The following BTG4 variants were observed in gnomAD, a reference collection of about 807,000 sequenced individuals.
BTG4 encodes BTG anti-proliferation factor 4.
A neutral mutation model predicts 19.3 loss-of-function variants in BTG4; 10 were observed. The ratio of observed to expected loss-of-function variants is 0.52; its 90% CI spans 0.32 to 0.88. The LOEUF (loss-of-function observed/expected upper bound fraction) is 0.88, where lower values mean the gene tolerates loss of function less well. BTG4 is among the 40% of genes least tolerant of loss of function. The probability of loss-of-function intolerance (pLI) is 0.04; values close to 1 mark genes in which losing one functional copy is unlikely to be tolerated. For missense variants in BTG4, 238 were observed against 281.9 expected (o/e 0.84, Z 1.11); for synonymous variants, 91 against 95.7 (o/e 0.95, Z 0.29).
chr11:111,494,750 G>T (rs938943009), downstream of BTG4: 1 of 382,174 alleles, frequency 2.6e-6, no homozygotes, highest in Non-Finnish European at 3.6e-6. Context: ...AAGATAGGGA[G>T]ACCCCTTCTT....
intron 5 of BTG4, among the ~76,000 whole-genome samples, chr11:111,483,529 A>C: frequency 6.6e-6 from 1 of 152,176 alleles, no homozygotes; most frequent in East Asian, 1.9e-4. Context: ...TTCAACAAAA[A>C]GATTGAAATA....
At chr11:111,507,628 T>C (rs1307519994) in intron 1 of BTG4, among the ~76,000 whole-genome samples, 1 of 152,216 alleles carries the variant, frequency 6.6e-6, no homozygotes, top group African/African-American at 2.4e-5. Context: ...GCAGATTCTC[T>C]TGAATTCGTA....
downstream of BTG4, among the ~76,000 whole-genome samples, chr11:111,494,139 TGA>T (rs1011478813): frequency 3.2e-4 from 48 of 151,784 alleles, no homozygotes; most frequent in African/African-American, 1.1e-3. Context: ...AAAATGGAGA[TGA>T]GAGAGGAGAA....
At chr11:111,395,348 C>T in the BTG4 span, among the ~76,000 whole-genome samples, 1 of 152,244 alleles carries the variant, frequency 6.6e-6, no homozygotes, top group Non-Finnish European at 1.5e-5. Flanking sequence ...GCCCATTGTT[C>T]TTCCTCCTGC....
chr11:111,481,077 C>A (rs1864710751), intron 5 of BTG4, among the ~76,000 whole-genome samples: 1 of 151,488 alleles, frequency 6.6e-6, no homozygotes, highest in South Asian at 2.1e-4. Flanking sequence ...AGTGAAGACA[C>A]AAATTACCAA....
chr11:111,475,629 A>C (rs1157220941), intron 5 of BTG4, among the ~76,000 whole-genome samples: 2 of 152,136 alleles, frequency 1.3e-5, no homozygotes, highest in African/African-American at 4.8e-5. Context: ...CCATCACATG[A>C]ATTTAGGTTA....
the BTG4 span, among the ~76,000 whole-genome samples, chr11:111,448,177 A>T: frequency 6.6e-6 from 1 of 152,214 alleles, no homozygotes; most frequent in Non-Finnish European, 1.5e-5. Context: ...GACTGCGGGA[A>T]TGAGACGCCT....
chr11:111,493,078 G>A (rs746779896), downstream of BTG4, among the ~76,000 whole-genome samples: 58 of 152,224 alleles, frequency 3.8e-4, no homozygotes, highest in African/African-American at 1.3e-3. Flanking sequence ...CCTGGGAGGC[G>A]GAGGTTGCAG....
chr11:111,504,603 T>C (rs1448909897), intron 1 of BTG4, among the ~76,000 whole-genome samples: 1 of 152,028 alleles, frequency 6.6e-6, no homozygotes, highest in Non-Finnish European at 1.5e-5. Context: ...AACATAGTAC[T>C]GGAAGTCCTG....
intron 5 of BTG4, among the ~76,000 whole-genome samples, chr11:111,477,798 G>C (rs564409962): frequency 2.6e-5 from 4 of 152,212 alleles, no homozygotes; most frequent in African/African-American, 9.6e-5. Context: ...GACCAGGAAA[G>C]GGACAGCGCA....
At chr11:111,437,421 A>T in the BTG4 span, among the ~76,000 whole-genome samples, 2 of 152,210 alleles carry the variant, frequency 1.3e-5, no homozygotes, top group South Asian at 4.1e-4. Flanking sequence ...GGGTTGGGGG[A>T]TGAGGGGGAT....
At chr11:111,386,287 TTAGGGCTA>T in the BTG4 span, 1 of 152,204 alleles carries the variant, frequency 6.6e-6, no homozygotes, top group African/African-American at 2.4e-5. Flanking sequence ...ATTCCAGGCT[TTAGGGCTA>T]TAACAATGAA....
chr11:111,401,792 AG>A, the BTG4 span, among the ~76,000 whole-genome samples: 2 of 152,228 alleles, frequency 1.3e-5, no homozygotes, highest in South Asian at 2.1e-4. Flanking sequence ...AATCTCTGTG[AG>A]GGGTTTTCTG....
chr11:111,393,531 C>G, the BTG4 span, among the ~76,000 whole-genome samples: 5 of 152,108 alleles, frequency 3.3e-5, no homozygotes, highest in Non-Finnish European at 5.9e-5. Context: ...TACTCTAGTC[C>G]CAAATACAGG....
At chr11:111,433,518 C>A in the BTG4 span, among the ~76,000 whole-genome samples, 1 of 152,068 alleles carries the variant, frequency 6.6e-6, no homozygotes, top group African/African-American at 2.4e-5. Context: ...ACTAAAACAC[C>A]AAAAGCAATG....
chr11:111,455,985 G>A, the BTG4 span: 28 of 341,962 alleles, frequency 8.2e-5, no homozygotes, highest in African/African-American at 5.3e-4. Flanking sequence ...ACCCAGCAGG[G>A]GAGGAGAGGT....
chr11:111,432,168 G>A, the BTG4 span, among the ~76,000 whole-genome samples: 59 of 152,272 alleles, frequency 3.9e-4, no homozygotes, highest in Middle Eastern at 3.4e-3. Context: ...AGCACAGCTA[G>A]AGCCCTGCCC....
At chr11:111,438,409 T>A in the BTG4 span, among the ~76,000 whole-genome samples, 2 of 152,314 alleles carry the variant, frequency 1.3e-5, no homozygotes, top group Admixed American at 1.3e-4. Context: ...TCATGCAGCC[T>A]CCACCTCTGG....
the BTG4 span, chr11:111,457,056 C>T: frequency 6.5e-6 from 1 of 153,628 alleles, no homozygotes; most frequent in Non-Finnish European, 1.5e-5. Flanking sequence ...CCCTGTATCC[C>T]TGTCCAGGTG....
Sources: gnomAD v4.1 joint callset for allele counts (sites outside exome capture counted in the v4.1 genomes callset) on GRCh38, gnomAD v4.1.1 for gene constraint, MANE v1.5 for transcripts, NCBI Gene and HGNC (gene_info 2026-07-23, HGNC 2026-07-21) for gene names.